Variants in MPPED2 observed in about 807,000 individuals in gnomAD.
MPPED2 encodes the protein metallophosphoesterase MPPED2.
Under a neutral mutation model 33.0 loss-of-function variants are expected in MPPED2, and 5 were observed. That is an observed-to-expected ratio of 0.15 (90% confidence interval 0.08 to 0.32). The LOEUF is 0.32. Ranked by LOEUF, MPPED2 falls within the 10% of genes least tolerant of loss-of-function variation. MPPED2 has a pLI of 1.00. For missense variants in MPPED2, 275 were observed against 372.1 expected (o/e 0.74, Z 2.15); for synonymous variants, 136 against 141.9 (o/e 0.96, Z 0.29).
intron 2 of MPPED2, among the ~76,000 whole-genome samples, chr11:30,543,791 T>TC (rs1252078993): frequency 8.9e-6 from 1 of 111,778 alleles, no homozygotes; most frequent in Non-Finnish European, 1.8e-5. Flanking sequence ...ATGGCGTTGT[T>TC]CTTTTTTTTT....
chr11:30,439,374 G>T lies in MPPED2; in HGVS notation c.537-21741C>A, dbSNP rs535894601. On this transcript the variant is annotated intron_variant, in intron 4 of 6. Transcript: ENST00000358117. ...TAAAACCTAAGTGGATGTACACAGG[G>T]TTATTTTTTATTAAGAAATAGTCTA... Among the ~76,000 whole-genome samples, 11 of 152,168 alleles carry T rather than the reference G, an allele frequency of 7.2e-5. No individual in the cohort carries two copies. The East Asian group carries it at 1.9e-3, about 27-fold the overall frequency.
intron 4 of MPPED2, among the ~76,000 whole-genome samples, chr11:30,431,344 C>T (rs1350569215): frequency 6.6e-6 from 1 of 152,212 alleles, no homozygotes; most frequent in Non-Finnish European, 1.5e-5. Flanking sequence ...TGTGTCTGAA[C>T]CAGCTTTAAC....
intron 4 of MPPED2, among the ~76,000 whole-genome samples, chr11:30,482,515 C>A (rs769862535): frequency 2.0e-5 from 3 of 152,102 alleles, no homozygotes; most frequent in Non-Finnish European, 4.4e-5. Flanking sequence ...GAGATGTCTA[C>A]TTTTTGCATG....
chr11:30,432,952 G>GA (rs1271696803), intron 4 of MPPED2, among the ~76,000 whole-genome samples: 1 of 152,140 alleles, frequency 6.6e-6, no homozygotes. Context: ...TGTGAACGTG[G>GA]AAAAAAGCCT....
intron 4 of MPPED2, among the ~76,000 whole-genome samples, chr11:30,436,865 C>A (rs1438345628): frequency 6.6e-6 from 1 of 152,096 alleles, no homozygotes; most frequent in Admixed American, 6.5e-5. Flanking sequence ...TGAAAGTGAG[C>A]ACCTATATTT....
At position 30,513,014 on chromosome 11, in the gene MPPED2, GA is replaced by G. The variant is rs71451189; in HGVS notation, c.311-17494del. On this transcript the variant is annotated intron_variant, in intron 3 of 6. Coordinates refer to ENST00000358117, the MANE Select transcript of MPPED2 (RefSeq NM_001584.3). ...AACAGAGGGAGACTCTGTCTCAAAA[GA>G]AAAAAAAAAAAGTAAATCAGTTTCC... 9.0e-4 allele frequency among the ~76,000 whole-genome samples: 125 copies of G among 139,608 alleles called. 1 individual carries two copies. The highest frequency in any genetic ancestry group is 2.4e-3 in the African/African-American group (89 of 37,050). 91.6% of individuals were successfully genotyped at this position (139,608 alleles called of 152,430 possible).
chr11:30,428,154 A>T (rs750689826), intron 4 of MPPED2, among the ~76,000 whole-genome samples: 1 of 152,164 alleles, frequency 6.6e-6, no homozygotes, highest in Non-Finnish European at 1.5e-5. Flanking sequence ...GAAGTCTTAA[A>T]TTCATTCATG....
At chr11:30,391,655 A>T (rs1947777664) in intron 6 of MPPED2, among the ~76,000 whole-genome samples, 1 of 152,174 alleles carries the variant, frequency 6.6e-6, no homozygotes, top group Admixed American at 6.5e-5. Flanking sequence ...ATTTTGCTTC[A>T]ATGTCTGGCA....
intron 4 of MPPED2, among the ~76,000 whole-genome samples, chr11:30,437,811 C>T (rs1949390505): frequency 6.6e-6 from 1 of 151,942 alleles, no homozygotes; most frequent in South Asian, 2.1e-4. Flanking sequence ...ACAAAATGTG[C>T]CTCCAGAGCC....
At chr11:30,539,058 G>T (rs1954961019) in intron 2 of MPPED2, among the ~76,000 whole-genome samples, 1 of 152,094 alleles carries the variant, frequency 6.6e-6, no homozygotes, top group African/African-American at 2.4e-5. Flanking sequence ...CTAGCAGAGT[G>T]GGCAAATTCC....
chr11:30,557,431 T>C (rs567561313), intron 2 of MPPED2, among the ~76,000 whole-genome samples: 1 of 152,216 alleles, frequency 6.6e-6, no homozygotes, highest in East Asian at 1.9e-4. Flanking sequence ...TGACTCATGA[T>C]AGCTCGAAAG....
intron 4 of MPPED2, among the ~76,000 whole-genome samples, chr11:30,472,372 A>C (rs1033746419): frequency 6.6e-6 from 1 of 152,120 alleles, no homozygotes; most frequent in Admixed American, 6.5e-5. Flanking sequence ...AATAATAATA[A>C]TAATAATAAT....
At chr11:30,389,795 G>A (rs1469782987) in intron 6 of MPPED2, among the ~76,000 whole-genome samples, 1 of 152,156 alleles carries the variant, frequency 6.6e-6, no homozygotes, top group African/African-American at 2.4e-5. Flanking sequence ...ACTGACTCAG[G>A]TAGATAGGGA....
intron 2 of MPPED2, among the ~76,000 whole-genome samples, chr11:30,552,404 A>G (rs1460263204): frequency 1.3e-5 from 2 of 152,226 alleles, no homozygotes; most frequent in African/African-American, 2.4e-5. Context: ...TAACGTTAGT[A>G]AAATTAAGAA....
intron 2 of MPPED2, among the ~76,000 whole-genome samples, chr11:30,573,812 C>T (rs1287777542): frequency 1.3e-5 from 2 of 152,132 alleles, no homozygotes; most frequent in South Asian, 4.1e-4. Context: ...TTAAATCCTT[C>T]ATTCCCTTCC....
At chr11:30,533,029 A>G (rs1014238848) in intron 3 of MPPED2, among the ~76,000 whole-genome samples, 2 of 152,194 alleles carry the variant, frequency 1.3e-5, no homozygotes, top group Non-Finnish European at 2.9e-5. Context: ...CAACTTCCAC[A>G]TGAAGCTGCC....
chr11:30,403,648 T>A (rs369484564), intron 6 of MPPED2, among the ~76,000 whole-genome samples: 1 of 152,210 alleles, frequency 6.6e-6, no homozygotes, highest in African/African-American at 2.4e-5. Context: ...AAATCTTTTA[T>A]CTTCATTATC....
chr11:30,427,585 T>C (rs187634179), intron 4 of MPPED2, among the ~76,000 whole-genome samples: 6 of 152,328 alleles, frequency 3.9e-5, no homozygotes, highest in Non-Finnish European at 7.3e-5. Context: ...AGAGAAGATG[T>C]GTATTTGTCA....
At chr11:30,512,386 C>T (rs1953262387) in intron 3 of MPPED2, among the ~76,000 whole-genome samples, 1 of 152,146 alleles carries the variant, frequency 6.6e-6, no homozygotes, top group African/African-American at 2.4e-5. Flanking sequence ...GGCCCAGAAA[C>T]AGATCATTTC....
Sources: gnomAD v4.1 joint callset for allele counts (sites outside exome capture counted in the v4.1 genomes callset) on GRCh38, gnomAD v4.1.1 for gene constraint, MANE v1.5 for transcripts, NCBI Gene and HGNC (gene_info 2026-07-23, HGNC 2026-07-21) for gene names.